Variants in FBXL2 observed in about 807,000 individuals in gnomAD.
FBXL2 encodes F-box and leucine rich repeat protein 2, also known as F-box/LRR-repeat protein 2.
Under a neutral mutation model 69.2 loss-of-function variants are expected in FBXL2, and 38 were observed. That is an observed-to-expected ratio of 0.55 (90% CI 0.42 to 0.72). The LOEUF is 0.72. FBXL2 is among the 30% of genes least tolerant of loss of function. FBXL2 has a pLI of 0.00. For synonymous variants in FBXL2, 192 were observed against 201.3 expected (o/e 0.95, Z 0.39); for missense variants, 354 against 520.3 (o/e 0.68, Z 3.11).
At chr3:33,304,460 GA>G (rs1182153647) in intron 2 of FBXL2, among the ~76,000 whole-genome samples, 2 of 152,092 alleles carry the variant, frequency 1.3e-5, no homozygotes, top group Non-Finnish European at 2.9e-5. Context: ...TATGAAAGGT[GA>G]TTCTTGTTGC....
At chr3:33,314,166 G>A (rs2037462206) in intron 2 of FBXL2, among the ~76,000 whole-genome samples, 3 of 151,570 alleles carry the variant, frequency 2.0e-5, no homozygotes, top group Non-Finnish European at 1.5e-5. Flanking sequence ...ATATATTCAA[G>A]GTATACATGA....
chr3:33,361,386 C>T (rs1290343148), intron 4 of FBXL2, among the ~76,000 whole-genome samples: 1 of 152,130 alleles, frequency 6.6e-6, no homozygotes, highest in Non-Finnish European at 1.5e-5. Flanking sequence ...TGGCACATGC[C>T]TGTAGTCCTG....
chr3:33,392,636 G>T, downstream of FBXL2: 3 of 1,592,258 alleles, frequency 1.9e-6, no homozygotes, highest in Non-Finnish European at 2.6e-6. Flanking sequence ...AAGTAAATGC[G>T]TAAGTACAAT....
intron 12 of FBXL2, chr3:33,396,751 TAGA>T (rs1223461387): frequency 3.4e-6 from 2 of 580,978 alleles, no homozygotes; most frequent in East Asian, 4.0e-5. Context: ...TCACCTAAAT[TAGA>T]AGTTTTGTTT....
intron 2 of FBXL2, among the ~76,000 whole-genome samples, chr3:33,339,992 C>T (rs150093836): frequency 6.6e-6 from 1 of 152,300 alleles, no homozygotes; most frequent in Non-Finnish European, 1.5e-5. Flanking sequence ...ACAAATTTCA[C>T]AGACAGTTAA....
At chr3:33,347,743 A>C (rs1035515891) in intron 2 of FBXL2, among the ~76,000 whole-genome samples, 1 of 151,918 alleles carries the variant, frequency 6.6e-6, no homozygotes. Flanking sequence ...ATCTCGTTGT[A>C]TTTTGATTTG....
chr3:33,357,098 C>G (rs1197534580), intron 2 of FBXL2, among the ~76,000 whole-genome samples: 1 of 152,182 alleles, frequency 6.6e-6, no homozygotes, highest in Non-Finnish European at 1.5e-5. Context: ...CACCTCATAG[C>G]AGTGAACTAG....
intron 2 of FBXL2, among the ~76,000 whole-genome samples, chr3:33,342,789 G>A (rs1475689636): frequency 2.4e-5 from 3 of 124,086 alleles, no homozygotes; most frequent in Non-Finnish European, 4.8e-5. Context: ...GCAGTGGCGC[G>A]ATCTCGGCTC....
intron 2 of FBXL2, among the ~76,000 whole-genome samples, chr3:33,333,343 G>A (rs1415235421): frequency 6.6e-6 from 1 of 152,180 alleles, no homozygotes; most frequent in Non-Finnish European, 1.5e-5. Context: ...TTGGATGATG[G>A]GAAGAGGGTG....
At chr3:33,300,731 C>CG (rs1239789738) in intron 2 of FBXL2, among the ~76,000 whole-genome samples, 11 of 143,900 alleles carry the variant, frequency 7.6e-5, no homozygotes, top group Non-Finnish European at 1.4e-4. Context: ...TTTTTTGAGA[C>CG]GGAGTCTCGC....
intron 9 of FBXL2, among the ~76,000 whole-genome samples, chr3:33,374,453 T>C (rs1362469692): frequency 6.6e-6 from 1 of 152,244 alleles, no homozygotes; most frequent in Non-Finnish European, 1.5e-5. Context: ...AAGAGGATGC[T>C]TGCTACATCC....
At chr3:33,292,702 T>C (rs1218249708) in intron 1 of FBXL2, among the ~76,000 whole-genome samples, 1 of 151,902 alleles carries the variant, frequency 6.6e-6, no homozygotes, top group Non-Finnish European at 1.5e-5. Flanking sequence ...TTAAATTTAC[T>C]AACTAAAATG....
At position 33,386,216 on chromosome 3, in the gene FBXL2, G is replaced by T; in HGVS notation, c.*608G>T. The T allele has an allele frequency of 6.5e-6, 1 of 154,450 alleles. No individual in the cohort carries two copies. Among genetic ancestry groups the T allele is most frequent in the Non-Finnish European group, 1.4e-5 (1 of 69,210 alleles). The allele number at this position is 154,450 out of a possible 1,614,324, so 9.6% of individuals were successfully genotyped here. On this transcript the variant is annotated 3_prime_UTR_variant, in exon 15 of 15. Transcript: ENST00000484457. ...AGGACTCTATACTGGGTGGAGCAGG[G>T]TCTTCACCTTTTTGTTTCTGTCAAC...
intron 12 of FBXL2, among the ~76,000 whole-genome samples, chr3:33,399,917 T>C (rs988781192): frequency 2.6e-5 from 4 of 152,182 alleles, no homozygotes; most frequent in African/African-American, 7.2e-5. Context: ...AAAAAAATCA[T>C]GTAAAACTAT....
chr3:33,331,507 C>T (rs2125828293), intron 2 of FBXL2, among the ~76,000 whole-genome samples: 1 of 152,286 alleles, frequency 6.6e-6, no homozygotes, highest in South Asian at 2.1e-4. Context: ...CCTGTTTCTT[C>T]TCAGGGCTCT....
intron 13 of FBXL2, 59 bp from the exon 14 acceptor site, chr3:33,383,930 A>T (rs1234218001): frequency 6.5e-7 from 1 of 1,545,142 alleles, no homozygotes; most frequent in African/African-American, 1.4e-5. Flanking sequence ...GCTTTTTTTT[A>T]GGACTTGAGC....
chr3:33,361,617 T>TA, intron 4 of FBXL2, among the ~76,000 whole-genome samples: 1 of 152,358 alleles, frequency 6.6e-6, no homozygotes, highest in East Asian at 1.9e-4. Context: ...GACTTTCAGC[T>TA]AACTGCCATA....
In FBXL2 at chr3:33,377,321, A is replaced by G. The variant is rs1459784458; in HGVS notation, c.837A>G (p.Thr279=). 1 of 1,614,022 alleles carries G rather than the reference A, an allele frequency of 6.2e-7. No individual in the cohort carries two copies. The highest frequency in any genetic ancestry group is 8.5e-7 in the Non-Finnish European group (1 of 1,180,020). Residue 279 remains threonine (T), a synonymous_variant, in exon 11 of 15, where the codon ACA becomes ACG. Coordinates refer to ENST00000484457, the MANE Select transcript of FBXL2 (RefSeq NM_012157.5). ...CCCATTTGACTGACGCAGGTTTTAC[A>G]CTTTTAGCTCGGGTAAGGCATAGAT... is the stretch of plus-strand genomic sequence containing the variant. The part of the protein sequence containing the change: ...RCSHLTDAGF[T]LLARNCHELE...
At chr3:33,346,697 T>C (rs2040463961) in intron 2 of FBXL2, among the ~76,000 whole-genome samples, 1 of 152,186 alleles carries the variant, frequency 6.6e-6, no homozygotes, top group Non-Finnish European at 1.5e-5. Flanking sequence ...GCTAATCCTT[T>C]AGTCAGACTA....
Sources: gnomAD v4.1 joint callset for allele counts (sites outside exome capture counted in the v4.1 genomes callset) on GRCh38, gnomAD v4.1.1 for gene constraint, MANE v1.5 for transcripts, NCBI Gene and HGNC (gene_info 2026-07-23, HGNC 2026-07-21) for gene names.